The following WDFY3 variants were observed in gnomAD, a reference collection of about 807,000 sequenced individuals.
The protein encoded by WDFY3 is WD repeat and FYVE domain-containing protein 3.
A neutral mutation model predicts 409.6 loss-of-function variants in WDFY3; 66 were observed. The observed-to-expected ratio is 0.16, with a 90% CI of 0.13 to 0.20. WDFY3 has a LOEUF of 0.20. WDFY3 is among the 10% of genes least tolerant of loss of function. The pLI, the probability that WDFY3 is intolerant of heterozygous loss-of-function variation, is 1.00. For missense variants in WDFY3, 3,031 were observed against 4,298.1 expected, an observed-to-expected ratio of 0.71 and a Z score of 8.24; for synonymous variants, 1,521 against 1,537.1, an observed-to-expected ratio of 0.99 and a Z score of 0.25.
intron 64 of WDFY3, among the ~76,000 whole-genome samples, chr4:84,681,046 T>C (rs1273796336): frequency 6.6e-6 from 1 of 152,214 alleles, no homozygotes; most frequent in Non-Finnish European, 1.5e-5. Flanking sequence ...GATCGTGAGC[T>C]CTGAGGTCCG....
At chr4:84,727,719 A>G (rs1366430975) in intron 44 of WDFY3, among the ~76,000 whole-genome samples, 1 of 152,144 alleles carries the variant, frequency 6.6e-6, no homozygotes, top group Non-Finnish European at 1.5e-5. Flanking sequence ...TCTGGTGATG[A>G]CTTCTGGTAC....
Position 84,821,416 on chromosome 4 carries a change from A to G in WDFY3, c.1259T>C (p.Ile420Thr). The G allele has an allele frequency of 6.2e-7, 1 of 1,613,950 alleles. No homozygotes were observed. The highest frequency in any genetic ancestry group is 8.5e-7 in the Non-Finnish European group (1 of 1,179,890). The change falls in exon 11 of 68, where the codon ATC becomes ACC. Residue 420 changes from isoleucine (I) to threonine (T), a missense_variant. This residue lies in a region of WDFY3 where 1,322 missense variants were observed against 1,697.9 expected (regional missense o/e 0.78). Coordinates refer to ENST00000295888, the MANE Select transcript of WDFY3 (RefSeq NM_014991.6). ...IYMADNANYF[I>T]LESQHTLSQF... Reference sequence around the variant, plus strand: ...TGACAATGTGTGCTGTGACTCTAGGATGAAGTAATTGGCATTGTCAGCCAT... The same window carrying G: ...TGACAATGTGTGCTGTGACTCTAGGGTGAAGTAATTGGCATTGTCAGCCAT...
intron 34 of WDFY3, among the ~76,000 whole-genome samples, chr4:84,754,862 T>A (rs968718613): frequency 1.3e-5 from 2 of 152,188 alleles, no homozygotes; most frequent in Non-Finnish European, 2.9e-5. Flanking sequence ...TTTTATTACA[T>A]TAATAAGTTA....
chr4:84,757,736 C>T (rs1029946105), intron 32 of WDFY3, among the ~76,000 whole-genome samples: 6 of 152,080 alleles, frequency 3.9e-5, no homozygotes, highest in African/African-American at 1.4e-4. Flanking sequence ...GAGCTACCAC[C>T]CCCAGCTAAT....
chr4:84,789,630 G>A lies in WDFY3; in HGVS notation c.3669+96C>T. 2.7e-6 allele frequency: 3 copies of A among 1,111,268 alleles called. No homozygotes were observed. The South Asian group carries it at 5.5e-5, about 20-fold the overall frequency. 68.8% of individuals were successfully genotyped at this position (1,111,268 alleles called of 1,614,324 possible). ...AGAAAGTAATTTTAAAAATATCCCT[G>A]TAACACACACACACACACACACACA... is the stretch of plus-strand genomic sequence containing the variant. On this transcript the variant is annotated intron_variant, in intron 22 of 67. Transcript: ENST00000295888.
At chr4:84,925,177 A>G (rs1378128927) in intron 2 of WDFY3, among the ~76,000 whole-genome samples, 2 of 152,180 alleles carry the variant, frequency 1.3e-5, no homozygotes, top group Non-Finnish European at 2.9e-5. Context: ...TCAGTGCCAT[A>G]AGCATTTCCT....
intron 36 of WDFY3, among the ~76,000 whole-genome samples, chr4:84,747,178 T>C (rs1035775675): frequency 6.6e-6 from 1 of 152,272 alleles, no homozygotes; most frequent in East Asian, 1.9e-4. Flanking sequence ...GTCTCCTTTT[T>C]AAGGTCTTGG....
intron 7 of WDFY3, among the ~76,000 whole-genome samples, chr4:84,835,339 A>G (rs551466320): frequency 6.6e-6 from 1 of 152,290 alleles, no homozygotes; most frequent in African/African-American, 2.4e-5. Flanking sequence ...CAATATCTTC[A>G]AGCAGCTATA....
chr4:84,801,753 T>A lies in WDFY3; in HGVS notation c.2719A>T (p.Arg907Trp), dbSNP rs1429338278. ...TCATCAGCCAATGCAGCACTGCACC[T>A]CTGCAGCAGTCGTGCATGAAGACCA... ...EAGLHARLLQ[R>W]CSAALADEDH... Residue 907 changes from arginine to tryptophan, a missense_variant, in exon 17 of 68, where the codon AGG (arginine) becomes TGG (tryptophan). Physicochemically the swap from Arg to Trp is moderately radical, Grantham distance 101. This residue lies in a region of WDFY3 where 1,322 missense variants were observed against 1,697.9 expected (regional missense o/e 0.78). Transcript: ENST00000295888. 2 of 1,613,926 alleles carry A rather than the reference T, an allele frequency of 1.2e-6. No individual in the cohort carries two copies. The highest frequency in any genetic ancestry group is 3.3e-5 in the Admixed American group (2 of 60,020).
At chr4:84,831,281 TTTCTC>T (rs1755697140) in intron 8 of WDFY3, 127 bp downstream of exon 8, 1 of 738,490 alleles carries the variant, frequency 1.4e-6, no homozygotes. Flanking sequence ...AATATTTTCT[TTTCTC>T]TGGGCAAATT....
rs374256016 is a variant in WDFY3 at position 84,677,369 on chromosome 4, G to A, written c.10287C>T (p.Asp3429=). 1.2e-6 allele frequency: 2 copies of A among 1,613,594 alleles called. No individual in the cohort carries two copies. The highest frequency in any genetic ancestry group is 8.5e-7 in the Non-Finnish European group (1 of 1,179,714). ...SKDHSRILVG[D]SRGRVFSWSV... ...ACCAGCTGAAAACTCGGCCTCGACT[G>A]TCACCAACGAGGATCCTACTGTGAT... Residue 3429 remains aspartate, a synonymous_variant, in exon 67 of 68, where the codon GAC becomes GAT. Coordinates refer to ENST00000295888, the MANE Select transcript of WDFY3 (RefSeq NM_014991.6).
intron 2 of WDFY3, among the ~76,000 whole-genome samples, chr4:84,906,684 T>C (rs899791804): frequency 6.6e-6 from 1 of 152,136 alleles, no homozygotes; most frequent in African/African-American, 2.4e-5. Context: ...GTACAACCTA[T>C]GGCTCATGGG....
At position 84,829,847 on chromosome 4, in the gene WDFY3, A is replaced by AAATAAATAAATAAATAAATT. The variant is rs567618032; in HGVS notation, c.770-658_770-657insAATTTATTTATTTATTTATT. Among the ~76,000 whole-genome samples, 82 of 150,638 alleles carry AAATAAATAAATAAATAAATT rather than the reference A, an allele frequency of 5.4e-4. 1 individual carries two copies. In the East Asian group the frequency reaches 0.016, roughly 29 times the overall value. On this transcript the variant is annotated intron_variant, in intron 8 of 67. Coordinates refer to ENST00000295888, the MANE Select transcript of WDFY3 (RefSeq NM_014991.6). ...TAAATAAATAAATAAATAAATAAAT[A>AAATAAATAAATAAATAAATT]AATTAGAGAGACTATAGACCAATGA...
At chr4:84,878,205 A>C (rs1235588904) in intron 3 of WDFY3, among the ~76,000 whole-genome samples, 1 of 152,188 alleles carries the variant, frequency 6.6e-6, no homozygotes, top group Non-Finnish European at 1.5e-5. Flanking sequence ...TAAACAGATG[A>C]TGACAAAAGG....
At chr4:84,922,607 CA>C (rs760415010) in intron 2 of WDFY3, among the ~76,000 whole-genome samples, 87 of 151,810 alleles carry the variant, frequency 5.7e-4, no homozygotes, top group African/African-American at 9.7e-4. Context: ...TACAGGAAGA[CA>C]TTTTTTTTTT....
In WDFY3 at chr4:84,724,504, C is replaced by T. The variant is rs753868193; in HGVS notation, c.7363G>A (p.Ala2455Thr). Residue 2455 changes from alanine (A) to threonine (T), a missense_variant, in exon 46 of 68, where the codon GCC (alanine) becomes ACC (threonine). Physicochemically the swap from Ala to Thr is moderately conservative, Grantham distance 58 (BLOSUM62 0). Transcript: ENST00000295888. Reference protein sequence around the residue: ...ASGNPAIVQDAIVESSEGEAA... With the variant: ...ASGNPAIVQDTIVESSEGEAA... The stretch of plus-strand genomic sequence containing the variant: ...TCACCTTCTGAACTCTCCACAATGG[C>T]GTCTTGGACAATGGCGGGATTGCCA... 2.5e-6 allele frequency: 4 copies of T among 1,614,008 alleles called. No homozygotes were observed. The highest frequency in any genetic ancestry group is 4.5e-5 in the East Asian group (2 of 44,890).
At chr4:84,855,957 T>C (rs1165214236) in intron 4 of WDFY3, among the ~76,000 whole-genome samples, 1 of 152,222 alleles carries the variant, frequency 6.6e-6, no homozygotes, top group East Asian at 1.9e-4. Flanking sequence ...TGGCTGTGGC[T>C]TGCCACTGTC....
intron 7 of WDFY3, among the ~76,000 whole-genome samples, chr4:84,832,142 A>G (rs1385533626): frequency 6.6e-6 from 1 of 152,212 alleles, no homozygotes; most frequent in East Asian, 1.9e-4. Flanking sequence ...TATACAATCT[A>G]ATACTATTCA....
At chr4:84,691,848 G>C in intron 59 of WDFY3, 63 bp from the exon 60 acceptor site, 1 of 1,422,872 alleles carries the variant, frequency 7.0e-7, no homozygotes, top group Non-Finnish European at 9.5e-7. Flanking sequence ...TTATCTCATA[G>C]AGCATGATAA....
Sources: gnomAD v4.1 joint callset for allele counts (sites outside exome capture counted in the v4.1 genomes callset) on GRCh38, gnomAD v4.1.1 for gene constraint, gnomAD v4.1.1 regional missense constraint, MANE v1.5 for transcripts, NCBI Gene and HGNC (gene_info 2026-07-23, HGNC 2026-07-21) for gene names.